AP1B1: variants seen among roughly 807,000 people sequenced by gnomAD.
AP1B1 encodes the protein adaptor related protein complex 1 subunit beta 1, also known as AP-1 complex subunit beta-1.
Under a neutral mutation model 104.3 loss-of-function variants are expected in AP1B1, and 36 were observed. That is an observed-to-expected ratio of 0.35 (90% confidence interval 0.26 to 0.46). AP1B1 has a LOEUF of 0.46. Among genes scored for constraint, AP1B1 ranks in the 20% least tolerant of loss-of-function variants. AP1B1 has a pLI of 1.00. For missense variants in AP1B1, 901 were observed against 1,247.9 expected (o/e 0.72, Z 4.19); for synonymous variants, 504 against 517.5 (o/e 0.97, Z 0.35).
chr22:29,385,708 G>T (rs989866320), intron 1 of AP1B1, among the ~76,000 whole-genome samples: 2 of 152,160 alleles, frequency 1.3e-5, no homozygotes, highest in Non-Finnish European at 2.9e-5. Context: ...TAATATCAAC[G>T]ATGTCTCTTA....
chr22:29,351,941 G>T, intron 7 of AP1B1, 116 bp from the exon 8 acceptor site: 1 of 1,373,178 alleles, frequency 7.3e-7, no homozygotes, highest in Non-Finnish European at 9.9e-7. Context: ...TGATGTCTGT[G>T]AAGGCAGAGT....
intron 7 of AP1B1, among the ~76,000 whole-genome samples, chr22:29,352,144 C>G (rs1312607579): frequency 6.6e-6 from 1 of 152,184 alleles, no homozygotes; most frequent in Non-Finnish European, 1.5e-5. Context: ...GTCCCAGTCC[C>G]AGCCTGTGAC....
rs1287624457 is a variant in AP1B1, at chr22:29,386,175, G to A, written c.-28+2249C>T. Among the ~76,000 whole-genome samples the A allele has an allele frequency of 5.3e-5, 8 of 152,104 alleles. No individual in the cohort carries two copies. The East Asian group carries it at 1.5e-3, about 29-fold the overall frequency. On this transcript the variant is annotated intron_variant, in intron 1 of 22. Transcript: ENST00000357586. ...CCATCTAACCCTCACACAAACCAGG[G>A]GTAGAGGAGTCAGAAAGGGTGGCCA...
chr22:29,363,588 C>T (rs2148013042), intron 2 of AP1B1, among the ~76,000 whole-genome samples: 1 of 151,258 alleles, frequency 6.6e-6, no homozygotes, highest in South Asian at 2.1e-4. Flanking sequence ...GTGGAGGTTG[C>T]AGTGAGGCAA....
At chr22:29,387,498 G>C (rs1457936945) in intron 1 of AP1B1, among the ~76,000 whole-genome samples, 3 of 151,694 alleles carry the variant, frequency 2.0e-5, no homozygotes, top group Non-Finnish European at 2.9e-5. Context: ...ATTGGAGACA[G>C]GGTTTCACCA....
chr22:29,355,599 T>C (rs183858899), intron 6 of AP1B1, among the ~76,000 whole-genome samples: 183 of 152,210 alleles, frequency 1.2e-3, no homozygotes, highest in Admixed American at 2.9e-3. Flanking sequence ...TGATGCCTAC[T>C]TCACAGGGTT....
At chr22:29,349,179 C>A (rs371155035) in intron 11 of AP1B1, 39 bp downstream of exon 11, 3 of 1,603,192 alleles carry the variant, frequency 1.9e-6, no homozygotes, top group African/African-American at 2.7e-5. Flanking sequence ...GGCTGAGCTG[C>A]CAGTCATGAC....
chr22:29,383,709 A>T (rs1352091392), intron 1 of AP1B1, among the ~76,000 whole-genome samples: 1 of 151,052 alleles, frequency 6.6e-6, no homozygotes, highest in Non-Finnish European at 1.5e-5. Flanking sequence ...AAAAAAAAAA[A>T]AGCTTTTGAG....
At position 29,369,866 on chromosome 22, in the gene AP1B1, C is replaced by T. The variant is rs903915372; in HGVS notation, c.-27-2596G>A. ...TTTTTTTTTTTTTTTTTTGCACACA[C>T]ATAAAGCCATTTTCTCAAAGAAACC... is the stretch of plus-strand genomic sequence containing the variant. On this transcript the variant is annotated intron_variant, in intron 1 of 22. Coordinates refer to ENST00000357586, the MANE Select transcript of AP1B1 (RefSeq NM_001127.4). Among the ~76,000 whole-genome samples the T allele has an allele frequency of 7.7e-5, 10 of 129,416 alleles. No homozygotes were observed. In the East Asian group the frequency reaches 2.2e-3, roughly 29 times the overall value. 84.9% of individuals were successfully genotyped at this position (129,416 alleles called of 152,430 possible).
At position 29,369,837 on chromosome 22, in the gene AP1B1, A is replaced by ATT. The variant is rs564733165; in HGVS notation, c.-27-2569_-27-2568dup. On this transcript the variant is annotated intron_variant, in intron 1 of 22. Transcript: ENST00000357586. ...CAGGAATTTACCGACATTAAAAACG[A>ATT]TTTTTTTTTTTTTTTTTTTTTGCAC... 1.4e-3 allele frequency among the ~76,000 whole-genome samples: 168 copies of ATT among 120,168 alleles called. 1 individual carries two copies. The highest frequency in any genetic ancestry group is 4.4e-3 in the Middle Eastern group (1 of 226). 78.8% of individuals were successfully genotyped at this position (120,168 alleles called of 152,430 possible). A position where few individuals can be genotyped will look rare whatever the true frequency, so the allele number is the denominator to read the frequency against.
intron 6 of AP1B1, among the ~76,000 whole-genome samples, chr22:29,355,816 G>C (rs1251890563): frequency 6.6e-6 from 1 of 151,258 alleles, no homozygotes; most frequent in Non-Finnish European, 1.5e-5. Context: ...GAGCCCTGCA[G>C]GTTGGGGCTG....
chr22:29,379,332 A>G (rs2062400550), intron 1 of AP1B1, among the ~76,000 whole-genome samples: 1 of 152,216 alleles, frequency 6.6e-6, no homozygotes, highest in South Asian at 2.1e-4. Context: ...CCATCTCAAA[A>G]AAAGAAAAAG....
At chr22:29,373,663 G>A (rs2062279875) in intron 1 of AP1B1, among the ~76,000 whole-genome samples, 1 of 152,198 alleles carries the variant, frequency 6.6e-6, no homozygotes, top group Non-Finnish European at 1.5e-5. Context: ...AGCACTTTCG[G>A]AGGCCAAGGC....
intron 2 of AP1B1, among the ~76,000 whole-genome samples, chr22:29,364,753 G>C (rs1489730935): frequency 6.7e-6 from 1 of 149,434 alleles, no homozygotes; most frequent in Non-Finnish European, 1.5e-5. Flanking sequence ...CTGTCACCCA[G>C]GCTGGAGTGC....
chr22:29,368,844 T>C (rs1378712918), intron 1 of AP1B1, among the ~76,000 whole-genome samples: 2 of 151,818 alleles, frequency 1.3e-5, no homozygotes, highest in Admixed American at 6.6e-5. Flanking sequence ...CAAGAAGCAC[T>C]TGAACCCAGG....
intron 5 of AP1B1, among the ~76,000 whole-genome samples, chr22:29,358,049 C>A (rs778304902): frequency 3.3e-5 from 5 of 152,184 alleles, no homozygotes; most frequent in Non-Finnish European, 5.9e-5. Context: ...CCATCCAGTG[C>A]TCCAGTACCC....
At position 29,331,790 on chromosome 22, in the gene AP1B1, G is replaced by A. The variant is rs1236497721; in HGVS notation, c.2436C>T (p.Leu812=). The A allele has an allele frequency of 6.2e-7, 1 of 1,614,060 alleles. No individual in the cohort carries two copies. Among genetic ancestry groups the A allele is most frequent in the African/African-American group, 1.3e-5 (1 of 74,934 alleles). Residue 812 remains leucine, a synonymous_variant, in exon 18 of 23, where the codon CTC becomes CTT. Coordinates refer to ENST00000357586, the MANE Select transcript of AP1B1 (RefSeq NM_001127.4). ...GCCTGCCCTGCCCGGAACCCACCTG[G>A]AGGTTGTTCAGAGGCTCCATCTTCA... ...SVMKMEPLNN[L]QVAVKNNIDV...
intron 7 of AP1B1, among the ~76,000 whole-genome samples, chr22:29,352,254 T>G (rs1400091886): frequency 2.0e-5 from 3 of 152,254 alleles, no homozygotes. Context: ...GCCTGGCACG[T>G]GGCAACTTGG....
intron 19 of AP1B1, among the ~76,000 whole-genome samples, chr22:29,330,962 T>TTCC (rs1411067796): frequency 1.3e-5 from 2 of 152,114 alleles, no homozygotes; most frequent in African/African-American, 4.8e-5. Context: ...CCCACACGCC[T>TTCC]TCCTCCTCCT....
Sources: allele counts gnomAD v4.1 joint callset (sites outside exome capture counted in the v4.1 genomes callset), GRCh38; gene constraint gnomAD v4.1.1; transcripts MANE v1.5; gene names NCBI Gene and HGNC (gene_info 2026-07-23, HGNC 2026-07-21).